The following MACROD2 variants were observed in gnomAD, a reference collection of about 807,000 sequenced individuals.
MACROD2 encodes the protein ADP-ribose glycohydrolase MACROD2.
MACROD2 carries 36 observed loss-of-function variants against 70.4 expected under a neutral mutation model. The observed-to-expected ratio is 0.51, with a 90% CI of 0.39 to 0.68. The LOEUF is 0.68. MACROD2 is among the 30% of genes least tolerant of loss of function. MACROD2 has a pLI of 0.00. For missense variants in MACROD2, 496 were observed against 538.4 expected (o/e 0.92, Z 0.78); for synonymous variants, 172 against 178.8 (o/e 0.96, Z 0.30).
rs116185393 is a variant in MACROD2 at position 15,826,396 on chromosome 20, A to C, written c.646-36349A>C. ...TGCTAAGTTCTACTGCATATGCCAG[A>C]CTCTCAAGAACTTGGAGGTTTTAGA... On this transcript the variant is annotated intron_variant, in intron 8 of 17. Transcript: ENST00000684519. 2.9e-3 allele frequency among the ~76,000 whole-genome samples: 437 copies of C among 152,290 alleles called. 1 individual carries two copies. The highest frequency in any genetic ancestry group is 0.01 in the African/African-American group (421 of 41,558).
chr20:14,011,643 C>T (rs893939963), intron 2 of MACROD2, among the ~76,000 whole-genome samples: 2 of 151,950 alleles, frequency 1.3e-5, no homozygotes, highest in South Asian at 4.2e-4. Context: ...ATTCTCCTGC[C>T]TCAGCCTCCC....
At chr20:15,827,247 A>T (rs570935098) in intron 8 of MACROD2, among the ~76,000 whole-genome samples, 1 of 152,322 alleles carries the variant, frequency 6.6e-6, no homozygotes, top group East Asian at 1.9e-4. Flanking sequence ...CAGAATAAAG[A>T]TATCCATGAT....
intron 5 of MACROD2, among the ~76,000 whole-genome samples, chr20:14,836,317 C>T (rs1417437484): frequency 6.6e-6 from 1 of 152,082 alleles, no homozygotes; most frequent in Admixed American, 6.6e-5. Flanking sequence ...ATTGAAGCAT[C>T]TTTAGTGACT....
chr20:14,644,508 G>T (rs1025286371), intron 4 of MACROD2, among the ~76,000 whole-genome samples: 2 of 152,068 alleles, frequency 1.3e-5, no homozygotes, highest in Non-Finnish European at 2.9e-5. Flanking sequence ...TTATATACTA[G>T]TTTTTTTGTC....
intron 8 of MACROD2, among the ~76,000 whole-genome samples, chr20:15,819,112 A>G (rs2063907884): frequency 6.6e-6 from 1 of 151,158 alleles, no homozygotes; most frequent in East Asian, 1.9e-4. Flanking sequence ...TGTTCATTGC[A>G]GCATTATTTG....
chr20:14,247,505 A>G (rs1382637838), intron 3 of MACROD2, among the ~76,000 whole-genome samples: 2 of 152,242 alleles, frequency 1.3e-5, no homozygotes, highest in African/African-American at 2.4e-5. Flanking sequence ...TTTATTTAGC[A>G]TAGCCACATG....
chr20:15,538,956 G>A (rs139278503), intron 8 of MACROD2, among the ~76,000 whole-genome samples: 193 of 150,904 alleles, frequency 1.3e-3, no homozygotes, highest in African/African-American at 4.3e-3. Flanking sequence ...TAACTGTATG[G>A]GCATACCTAA....
At chr20:15,081,411 C>A (rs764374822) in intron 5 of MACROD2, among the ~76,000 whole-genome samples, 1 of 152,090 alleles carries the variant, frequency 6.6e-6, no homozygotes, top group African/African-American at 2.4e-5. Context: ...GATTAACATT[C>A]CTTCACAGAA....
At chr20:16,037,579 CAG>C (rs2067252300) in intron 15 of MACROD2, among the ~76,000 whole-genome samples, 1 of 151,564 alleles carries the variant, frequency 6.6e-6, no homozygotes, top group Non-Finnish European at 1.5e-5. Flanking sequence ...GATGATGTCC[CAG>C]AGAGTTAAGA....
intron 6 of MACROD2, among the ~76,000 whole-genome samples, chr20:15,360,118 T>C (rs1198747055): frequency 6.6e-6 from 1 of 152,238 alleles, no homozygotes; most frequent in East Asian, 1.9e-4. Context: ...TGTGATTTTT[T>C]ATTTTGGCTT....
intron 7 of MACROD2, among the ~76,000 whole-genome samples, chr20:15,494,776 T>TGC (rs1555829397): frequency 0.03 from 3,913 of 131,884 alleles, 191 homozygotes; most frequent in African/African-American, 0.097. Context: ...CGTGTGTGTG[T>TGC]GCGCGCGTGT....
At chr20:15,813,203 A>G (rs1282109776) in intron 8 of MACROD2, among the ~76,000 whole-genome samples, 3 of 152,202 alleles carry the variant, frequency 2.0e-5, no homozygotes, top group Admixed American at 2.0e-4. Context: ...TAACTCAGCA[A>G]CTCAAAACCA....
chr20:15,216,785 A>AT (rs1286548160), intron 5 of MACROD2, among the ~76,000 whole-genome samples: 1 of 152,092 alleles, frequency 6.6e-6, no homozygotes, highest in Non-Finnish European at 1.5e-5. Flanking sequence ...TTCTCAGAAG[A>AT]CGCCCGTGAA....
chr20:15,637,593 A>G (rs1048977271), intron 8 of MACROD2, among the ~76,000 whole-genome samples: 11 of 152,192 alleles, frequency 7.2e-5, no homozygotes, highest in Admixed American at 1.3e-4. Context: ...TAGCTGCTCT[A>G]TTTTTGAGAA....
chr20:14,990,873 G>C (rs1474881718), intron 5 of MACROD2, among the ~76,000 whole-genome samples: 1 of 152,132 alleles, frequency 6.6e-6, no homozygotes, highest in African/African-American at 2.4e-5. Context: ...TCTCTAATTA[G>C]TAGCCTTGGG....
chr20:14,306,061 A>T (rs943940004), intron 3 of MACROD2, among the ~76,000 whole-genome samples: 6 of 151,984 alleles, frequency 3.9e-5, no homozygotes, highest in Admixed American at 6.6e-5. Flanking sequence ...TTTCATTTTT[A>T]AACCTCTCTA....
intron 6 of MACROD2, among the ~76,000 whole-genome samples, chr20:15,254,082 G>A (rs1420991923): frequency 6.6e-6 from 1 of 152,046 alleles, no homozygotes; most frequent in African/African-American, 2.4e-5. Context: ...TTCCAACTTA[G>A]GGGACACTTA....
chr20:14,284,888 T>TA (rs575699147), intron 3 of MACROD2, among the ~76,000 whole-genome samples: 125 of 152,368 alleles, frequency 8.2e-4, no homozygotes, highest in African/African-American at 2.1e-3. Flanking sequence ...TTGGTAATGT[T>TA]ACATTATTAG....
At chr20:14,670,833 G>A (rs1217254459) in intron 4 of MACROD2, among the ~76,000 whole-genome samples, 1 of 152,144 alleles carries the variant, frequency 6.6e-6, no homozygotes, top group African/African-American at 2.4e-5. Context: ...CCATAGTGTA[G>A]TCAGCACGCC....
Sources: gnomAD v4.1 joint callset for allele counts (sites outside exome capture counted in the v4.1 genomes callset) on GRCh38, gnomAD v4.1.1 for gene constraint, MANE v1.5 for transcripts, NCBI Gene and HGNC (gene_info 2026-07-23, HGNC 2026-07-21) for gene names.